Variants in SCAPER observed in about 807,000 individuals in gnomAD.
SCAPER encodes the protein S-phase cyclin A associated protein in the ER, also known as S phase cyclin A-associated protein in the endoplasmic reticulum.
In SCAPER, 98 loss-of-function variants were observed where a neutral mutation model predicts 182.2. The ratio of observed to expected loss-of-function variants is 0.54; its 90% CI spans 0.46 to 0.64. The LOEUF (loss-of-function observed/expected upper bound fraction) is 0.64, where lower values mean the gene tolerates loss of function less well. Ranked by LOEUF, SCAPER falls within the 30% of genes least tolerant of loss-of-function variation. The pLI, the probability that SCAPER is intolerant of heterozygous loss-of-function variation, is 0.00. For synonymous variants in SCAPER, 605 were observed against 564.6 expected (o/e 1.07, Z -1.01); for missense variants, 1,432 against 1,690.0 (o/e 0.85, Z 2.68).
At chr15:76,883,527 A>G (rs902315323) in intron 2 of SCAPER, among the ~76,000 whole-genome samples, 15 of 152,220 alleles carry the variant, frequency 9.9e-5, no homozygotes, top group African/African-American at 3.6e-4. Context: ...GTTAGCATCC[A>G]TTGATTTGTA....
At position 76,782,766 on chromosome 15, in the gene SCAPER, T is replaced by G. The variant is rs1027111162; in HGVS notation, c.773-7649A>C. ...ACAACTACATGGAAACAGAACAACC[T>G]GCTCCTGAATGACTACTGGGTAAAT... On this transcript the variant is annotated intron_variant, in intron 8 of 31. Transcript: ENST00000563290. Among the ~76,000 whole-genome samples, 2 of 152,130 alleles carry G rather than the reference T, an allele frequency of 1.3e-5. 1 individual carries two copies. Among genetic ancestry groups the G allele is most frequent in the Admixed American group, 1.3e-4 (2 of 15,260 alleles).
At chr15:76,618,607 T>C (rs2051719757) in intron 22 of SCAPER, among the ~76,000 whole-genome samples, 1 of 152,176 alleles carries the variant, frequency 6.6e-6, no homozygotes, top group Admixed American at 6.5e-5. Flanking sequence ...AGTAGAACAT[T>C]ATTATTTATT....
chr15:76,569,657 C>T (rs1268414574), intron 23 of SCAPER, among the ~76,000 whole-genome samples: 1 of 152,046 alleles, frequency 6.6e-6, no homozygotes, highest in Non-Finnish European at 1.5e-5. Context: ...TTTTGGAGCT[C>T]TAATTATACA....
At chr15:76,795,797 C>A (rs1283306406) in intron 7 of SCAPER, among the ~76,000 whole-genome samples, 1 of 152,176 alleles carries the variant, frequency 6.6e-6, no homozygotes, top group Admixed American at 6.5e-5. Context: ...CACAGTGGCT[C>A]ACACCTGTAG....
At chr15:76,902,857 G>C (rs997225627) in intron 1 of SCAPER, among the ~76,000 whole-genome samples, 1 of 152,144 alleles carries the variant, frequency 6.6e-6, no homozygotes, top group African/African-American at 2.4e-5. Context: ...AGGAGTTTGA[G>C]ACCAGCATGG....
chr15:76,607,664 C>T, intron 22 of SCAPER, among the ~76,000 whole-genome samples: 1 of 152,140 alleles, frequency 6.6e-6, no homozygotes, highest in Admixed American at 6.5e-5. Context: ...CAATCAGACG[C>T]AGATTTGGTC....
chr15:76,548,576 T>G (rs2045490257), intron 23 of SCAPER, among the ~76,000 whole-genome samples: 1 of 152,216 alleles, frequency 6.6e-6, no homozygotes, highest in South Asian at 2.1e-4. Context: ...TAAGCGCCAC[T>G]GGTGAGTATT....
Position 76,882,727 on chromosome 15 carries a change from C to T in SCAPER, c.6+1085G>A, listed in dbSNP as rs968139112. ...TAGCCCAGGTTGGAGTGCAGTGGCA[C>T]GATCTTGGCTCACTGAAAGCTCCGC... On this transcript the variant is annotated intron_variant, in intron 2 of 31. Coordinates refer to ENST00000563290, the MANE Select transcript of SCAPER (RefSeq NM_020843.4). Among the ~76,000 whole-genome samples, 5 of 152,182 alleles carry T rather than the reference C, an allele frequency of 3.3e-5. No homozygotes were observed. In the South Asian group the frequency reaches 8.3e-4, roughly 25 times the overall value.
chr15:76,649,614 AG>A (rs2054849070), intron 21 of SCAPER, among the ~76,000 whole-genome samples: 1 of 150,680 alleles, frequency 6.6e-6, no homozygotes, highest in Admixed American at 6.6e-5. Flanking sequence ...TATATACAGC[AG>A]AAAAGAAAAA....
rs756791439 is a variant in SCAPER at position 76,857,828 on chromosome 15, G to A, written c.176C>T (p.Thr59Ile). 3.9e-6 allele frequency: 6 copies of A among 1,544,310 alleles called. No individual in the cohort carries two copies. Among genetic ancestry groups the A allele is most frequent in the Non-Finnish European group, 5.2e-6 (6 of 1,143,518 alleles). ...GGKSKRTIQG[T>I]HKTTKQSTAV... Reference sequence around the variant, plus strand: ...CTGTACCTGTTTAGTAGTTTTATGAGTGCCTTGAATGGTCCTCTTAGATTT... The same window carrying A: ...CTGTACCTGTTTAGTAGTTTTATGAATGCCTTGAATGGTCCTCTTAGATTT... The change falls in exon 4 of 32, where the codon ACT becomes ATT. Residue 59 changes from threonine to isoleucine, a missense_variant. By Grantham distance (89) the Thr-to-Ile change is moderately conservative. This residue lies in a region of SCAPER where 480 missense variants were observed against 510.2 expected (regional missense o/e 0.94). Transcript: ENST00000563290.
At chr15:76,552,325 T>G (rs1041613169) in intron 23 of SCAPER, among the ~76,000 whole-genome samples, 1 of 151,968 alleles carries the variant, frequency 6.6e-6, no homozygotes, top group African/African-American at 2.4e-5. Context: ...GATGGGCAAG[T>G]AGACACACCC....
At chr15:76,726,124 A>AATATATATAT (rs765875424) in intron 17 of SCAPER, among the ~76,000 whole-genome samples, 7 of 15,354 alleles carry the variant, frequency 4.6e-4, no homozygotes, top group East Asian at 2.7e-3. Flanking sequence ...TAATGTCTAG[A>AATATATATAT]ATATATATAT....
intron 14 of SCAPER, among the ~76,000 whole-genome samples, chr15:76,757,459 C>T (rs1555574651): frequency 0.38 from 56,501 of 149,628 alleles, 12,483 homozygotes; most frequent in Middle Eastern, 0.52. Context: ...TATATATACA[C>T]ACACACACAC....
At chr15:76,470,174 C>T (rs115746968) in intron 25 of SCAPER, among the ~76,000 whole-genome samples, 2,362 of 152,180 alleles carry the variant, frequency 0.016, 62 homozygotes, top group African/African-American at 0.055. Flanking sequence ...CATACAATGA[C>T]GTACTGAATC....
Position 76,767,108 on chromosome 15 carries a change from T to C in SCAPER, c.1249-20A>G, listed in dbSNP as rs771336449. 1.9e-6 allele frequency: 3 copies of C among 1,543,112 alleles called. No individual in the cohort carries two copies. The East Asian group carries it at 7.0e-5, about 36-fold the overall frequency. On this transcript the variant is annotated intron_variant, in intron 10 of 31. Coordinates refer to ENST00000563290, the MANE Select transcript of SCAPER (RefSeq NM_020843.4). ...CATGGACTATAAAGTTAAAAACACA[T>C]AAACAAAAAGAAAAATGATCACTTG...
intron 25 of SCAPER, among the ~76,000 whole-genome samples, chr15:76,468,660 A>AT (rs1218525562): frequency 6.6e-6 from 1 of 152,134 alleles, no homozygotes; most frequent in African/African-American, 2.4e-5. Context: ...GGATCACTGA[A>AT]TATCTTTCTC....
intron 23 of SCAPER, among the ~76,000 whole-genome samples, chr15:76,545,929 A>C (rs2045243306): frequency 6.6e-6 from 1 of 152,150 alleles, no homozygotes; most frequent in Admixed American, 6.6e-5. Flanking sequence ...GACATAAAAA[A>C]AGACATCTCC....
At chr15:76,600,369 C>T (rs1208231581) in intron 22 of SCAPER, among the ~76,000 whole-genome samples, 2 of 104,506 alleles carry the variant, frequency 1.9e-5, no homozygotes, top group Non-Finnish European at 4.6e-5. Context: ...AAATAGCATA[C>T]TTGGAAAGTG....
chr15:76,354,018 G>T lies in SCAPER; in HGVS notation c.3978C>A (p.Tyr1326Ter). 6.2e-7 allele frequency: 1 copy of T among 1,607,108 alleles called. No homozygotes were observed. Among genetic ancestry groups the T allele is most frequent in the Non-Finnish European group, 8.5e-7 (1 of 1,178,024 alleles). The change falls in exon 30 of 32, where the codon TAC becomes TAA. Residue 1326 changes from tyrosine to a stop codon, truncating the protein, a stop_gained. Coordinates refer to ENST00000563290, the MANE Select transcript of SCAPER (RefSeq NM_020843.4). LOFTEE classifies it high-confidence loss of function. This position sits in a 1 kb window ranked among gnomAD's most constrained non-coding sequence, Gnocchi z 4.4. Reference sequence around the variant, plus strand: ...GAATGATCTTGTTCTGATGGTTGTTGTAACAAGCAGCGATAAGTGAAGGGA... The same window carrying T: ...GAATGATCTTGTTCTGATGGTTGTTTTAACAAGCAGCGATAAGTGAAGGGA... Reference protein sequence around the residue: ...VLFPSLIAACYNNHQNKIILE... With the variant: ...VLFPSLIAAC
Sources: allele counts gnomAD v4.1 joint callset (sites outside exome capture counted in the v4.1 genomes callset), GRCh38; gene constraint gnomAD v4.1.1; regional missense constraint gnomAD v4.1.1; non-coding constraint Gnocchi (gnomAD v3.1); transcripts MANE v1.5; gene names NCBI Gene and HGNC (gene_info 2026-07-23, HGNC 2026-07-21).